TFAP2A: variants seen among roughly 807,000 people sequenced by gnomAD.
TFAP2A encodes transcription factor AP-2 alpha, also known as transcription factor AP-2-alpha.
In TFAP2A, 7 loss-of-function variants were observed where a neutral mutation model predicts 41.5. The ratio of observed to expected loss-of-function variants is 0.17; its 90% CI spans 0.10 to 0.32. TFAP2A has a LOEUF of 0.32. TFAP2A is among the 10% of genes least tolerant of loss of function. The pLI, the probability that TFAP2A is intolerant of heterozygous loss-of-function variation, is 1.00. For synonymous variants in TFAP2A, 247 were observed against 242.8 expected, an observed-to-expected ratio of 1.02 and a Z score of -0.16; for missense variants, 416 against 563.3, an observed-to-expected ratio of 0.74 and a Z score of 2.65.
chr6:10,415,154 G>GGAGGAGGAGGAAGAGGAGGGC (rs1561718323), upstream of TFAP2A: 4 of 1,528,306 alleles, frequency 2.6e-6, no homozygotes, highest in African/African-American at 4.1e-5. Flanking sequence ...AGGGCAAGGA[G>GGAGGAGGAGGAAGAGGAGGGC]GAGGAGGAGG....
chr6:10,416,779 C>T (rs1192905203), upstream of TFAP2A: 1 of 152,268 alleles, frequency 6.6e-6, no homozygotes, highest in Non-Finnish European at 1.5e-5. Flanking sequence ...AAGGGGAATT[C>T]TCCCTCCAAA....
chr6:10,402,086 T>C (rs1762029395), intron 5 of TFAP2A: 1 of 361,898 alleles, frequency 2.8e-6, no homozygotes, highest in Non-Finnish European at 5.4e-6. Flanking sequence ...CAGGATGGTC[T>C]TAAATCAGGA....
At chr6:10,417,427 G>A (rs1413338763), upstream of TFAP2A, among the ~76,000 whole-genome samples, 1 of 152,184 alleles carries the variant, frequency 6.6e-6, no homozygotes, top group African/African-American at 2.4e-5. Context: ...AGGCCCGGGC[G>A]AGCGCCAGGG....
intron 1 of TFAP2A, chr6:10,411,575 C>A: frequency 6.2e-7 from 1 of 1,614,048 alleles, no homozygotes; most frequent in East Asian, 2.2e-5. Context: ...CTCACCATGG[C>A]TGAAAAACTG....
chr6:10,418,522 C>A (rs538902600), upstream of TFAP2A: 3 of 152,378 alleles, frequency 2.0e-5, no homozygotes, highest in East Asian at 5.8e-4. Context: ...CAGGCAGAGC[C>A]TTTTACCGCC....
chr6:10,409,226 A>G (rs553559449), intron 2 of TFAP2A: 3 of 152,276 alleles, frequency 2.0e-5, no homozygotes, highest in Non-Finnish European at 2.9e-5. Context: ...TGTATTACCC[A>G]ATAGTCTCGA....
rs538668193 is a variant in TFAP2A, at chr6:10,410,577, G to A, written c.52-242C>T. Among the ~76,000 whole-genome samples, 82 of 152,294 alleles carry A rather than the reference G, an allele frequency of 5.4e-4. 1 individual carries two copies. The highest frequency in any genetic ancestry group is 9.1e-4 in the Non-Finnish European group (62 of 68,030). ...ACTATTTAGGGGTTTCTTTCAAAGA[G>A]AGGAAAAGATAGAAAAGGGTCTCCT... On this transcript the variant is annotated intron_variant, in intron 1 of 6. Transcript: ENST00000379613.
In TFAP2A at chr6:10,411,113, C is replaced by G. The variant is rs183509639; in HGVS notation, c.52-778G>C. 275 of 142,332 alleles carry G rather than the reference C, an allele frequency of 1.9e-3. 2 individuals are homozygous for G. The highest frequency in any genetic ancestry group is 3.3e-3 in the Admixed American group (44 of 13,176). The allele number at this position is 142,332 out of a possible 1,614,324, so 8.8% of individuals were successfully genotyped here. A position where few individuals can be genotyped will look rare whatever the true frequency, so the allele number is the denominator to read the frequency against. On this transcript the variant is annotated intron_variant, in intron 1 of 6. Transcript: ENST00000379613. ...AAGAAACGCCTGACTTTAGGTTTCT[C>G]TATTGCAATTCCCTTGCAAAACAAG...
intron 2 of TFAP2A, 97 bp downstream of exon 2, chr6:10,409,804 G>T: frequency 7.1e-7 from 1 of 1,416,786 alleles, no homozygotes; most frequent in Non-Finnish European, 9.6e-7. Flanking sequence ...ATACTAGGGA[G>T]AACCCGGGCC....
upstream of TFAP2A, chr6:10,419,536 A>C (rs1426369736): frequency 5.8e-6 from 9 of 1,558,256 alleles, no homozygotes; most frequent in Admixed American, 1.7e-5. Context: ...TCGCTTAGGC[A>C]AATCCTCCTT....
intron 5 of TFAP2A, among the ~76,000 whole-genome samples, chr6:10,401,857 T>G (rs556009936): frequency 1.3e-5 from 2 of 152,118 alleles, no homozygotes; most frequent in Non-Finnish European, 2.9e-5. Flanking sequence ...AGGATAAGGG[T>G]TGGCTTTTTG....
rs778860533 is a variant in TFAP2A, at chr6:10,400,558, C to T, written c.921G>A (p.Gly307=). 3 of 1,614,106 alleles carry T rather than the reference C, an allele frequency of 1.9e-6. No individual in the cohort carries two copies. The East Asian group carries it at 6.7e-5, about 36-fold the overall frequency. Residue 307 remains glycine, a synonymous_variant, in exon 6 of 7, where the codon GGG becomes GGA. Transcript: ENST00000379613. ...GEAVHLARDF[G]YVCETEFPAK... ...CAGGAAATTCGGTTTCGCACACGTA[C>T]CCAAAGTCCCTGGCTAGGTGGACAG...
chr6:10,402,087 T>A, intron 5 of TFAP2A: 1 of 361,920 alleles, frequency 2.8e-6, no homozygotes. Context: ...AGGATGGTCT[T>A]AAATCAGGAC....
intron 5 of TFAP2A, among the ~76,000 whole-genome samples, chr6:10,401,045 T>C (rs1761986546): frequency 6.6e-6 from 1 of 152,236 alleles, no homozygotes; most frequent in Non-Finnish European, 1.5e-5. Flanking sequence ...CCAAGAGGAT[T>C]TGAGGGTCAC....
rs1761784435 is a variant in TFAP2A, at chr6:10,396,884, T to C, written c.*1533A>G. The stretch of plus-strand genomic sequence containing the variant: ...GAACTCCAAGTTGAAAGTAAGTTTT[T>C]ATTATACTTGAGGGAAACAATGGGT... On this transcript the variant is annotated 3_prime_UTR_variant, in exon 7 of 7. Coordinates refer to ENST00000379613, the MANE Select transcript of TFAP2A (RefSeq NM_001372066.1). The C allele has an allele frequency of 6.6e-6, 1 of 152,630 alleles. No homozygotes were observed. Among genetic ancestry groups the C allele is most frequent in the Admixed American group, 6.5e-5 (1 of 15,284 alleles). 9.5% of individuals were successfully genotyped at this position (152,630 alleles called of 1,614,324 possible). A position where few individuals can be genotyped will look rare whatever the true frequency, so the allele number is the denominator to read the frequency against.
Position 10,398,141 on chromosome 6 carries a change from T to C in TFAP2A, c.*276A>G. 1 of 1,399,148 alleles carries C rather than the reference T, an allele frequency of 7.1e-7. No homozygotes were observed. Among genetic ancestry groups the C allele is most frequent in the East Asian group, 2.7e-5 (1 of 37,046 alleles). The allele number at this position is 1,399,148 out of a possible 1,614,324, so 86.7% of individuals were successfully genotyped here. Reference sequence around the variant, plus strand: ...TTTTCTCTGCTGGCTTCACGGCCTGTTCTGTTCTCTTAGGCTCCACATGAG... The same window carrying C: ...TTTTCTCTGCTGGCTTCACGGCCTGCTCTGTTCTCTTAGGCTCCACATGAG... On this transcript the variant is annotated 3_prime_UTR_variant, in exon 7 of 7. Coordinates refer to ENST00000379613, the MANE Select transcript of TFAP2A (RefSeq NM_001372066.1). The surrounding 1 kb of genome is among the most constrained non-coding windows in gnomAD (Gnocchi z 5.3).
chr6:10,414,995 T>A lies in TFAP2A; in HGVS notation c.-4A>T, dbSNP rs1758182201. ...TCAATTTCCAAAGCATTTTCATGGA[T>A]CGGCGTGAACGGATATGCCCCTCTC... On this transcript the variant is annotated 5_prime_UTR_variant, in exon 1 of 7. Transcript: ENST00000379613. The A allele has an allele frequency of 6.2e-7, 1 of 1,614,004 alleles. No homozygotes were observed. The highest frequency in any genetic ancestry group is 1.3e-5 in the African/African-American group (1 of 74,952).
At chr6:10,399,341 G>GGAA (rs1231976601) in intron 6 of TFAP2A, among the ~76,000 whole-genome samples, 1 of 152,218 alleles carries the variant, frequency 6.6e-6, no homozygotes, top group Non-Finnish European at 1.5e-5. Flanking sequence ...GTAGTGTTTG[G>GGAA]GAAGAAGAAA....
intron 4 of TFAP2A, 34 bp downstream of exon 4, chr6:10,404,474 G>GGGGCGGGGCGGGGC (rs1561708804): frequency 6.9e-7 from 1 of 1,440,244 alleles, no homozygotes; most frequent in African/African-American, 1.5e-5. Flanking sequence ...CCCCGGCCGC[G>GGGGCGGGGCGGGGC]GGGCGGGGCG....
Sources: gnomAD v4.1 joint callset for allele counts (sites outside exome capture counted in the v4.1 genomes callset) on GRCh38, gnomAD v4.1.1 for gene constraint, Gnocchi (gnomAD v3.1) non-coding constraint, MANE v1.5 for transcripts, NCBI Gene and HGNC (gene_info 2026-07-23, HGNC 2026-07-21) for gene names.